The following FOXO3 variants were observed in gnomAD, a reference collection of about 807,000 sequenced individuals.
The protein encoded by FOXO3 is forkhead box protein O3.
FOXO3 carries 4 observed loss-of-function variants against 41.9 expected under a neutral mutation model. The observed-to-expected ratio is 0.10, with a 90% CI of 0.05 to 0.22. The LOEUF (loss-of-function observed/expected upper bound fraction) is 0.22. Among genes scored for constraint, FOXO3 ranks in the 10% least tolerant of loss-of-function variants. FOXO3 has a pLI of 1.00. For missense variants in FOXO3, 534 were observed against 906.8 expected, an observed-to-expected ratio of 0.59 and a Z score of 5.28; for synonymous variants, 318 against 389.3, an observed-to-expected ratio of 0.82 and a Z score of 2.16.
intron 1 of FOXO3, among the ~76,000 whole-genome samples, chr6:108,614,741 T>C (rs1421618179): frequency 2.0e-5 from 3 of 152,040 alleles, no homozygotes; most frequent in Non-Finnish European, 4.4e-5. Flanking sequence ...TTTTTGCGTT[T>C]TTTTCAAAGA....
At chr6:108,678,345 T>G (rs1770700731) in intron 2 of FOXO3, among the ~76,000 whole-genome samples, 4 of 152,232 alleles carry the variant, frequency 2.6e-5, no homozygotes, top group Non-Finnish European at 4.4e-5. Flanking sequence ...TTCATGTTGT[T>G]TCACTACCAC....
chr6:108,612,689 A>T (rs1777396581), intron 1 of FOXO3, among the ~76,000 whole-genome samples: 3 of 152,254 alleles, frequency 2.0e-5, no homozygotes, highest in African/African-American at 7.2e-5. Flanking sequence ...TCAAAAAAAA[A>T]ATAAAAAAAA....
At position 108,573,355 on chromosome 6, in the gene FOXO3, C is replaced by T. The variant is rs573071923; in HGVS notation, c.621+11526C>T. On this transcript the variant is annotated intron_variant, in intron 1 of 2. Coordinates refer to ENST00000406360, the MANE Select transcript of FOXO3 (RefSeq NM_001455.4). ...CCATTTAAAAAGTTTCTACTCTATG[C>T]TGCATTCTTTACCTCTATCCCCAGG... Among the ~76,000 whole-genome samples the T allele has an allele frequency of 2.0e-5, 3 of 152,242 alleles. No homozygotes were observed. In the East Asian group the frequency reaches 5.8e-4, roughly 29 times the overall value.
At chr6:108,671,954 T>C (rs889593661) in intron 2 of FOXO3, among the ~76,000 whole-genome samples, 4 of 152,242 alleles carry the variant, frequency 2.6e-5, no homozygotes, top group Admixed American at 2.6e-4. Context: ...AAGGATCGCC[T>C]GAGAAGTCCC....
intron 1 of FOXO3, among the ~76,000 whole-genome samples, chr6:108,582,591 T>C (rs2128360566): frequency 6.6e-6 from 1 of 152,310 alleles, no homozygotes; most frequent in East Asian, 1.9e-4. Context: ...TAGGTTTTTG[T>C]CATGGAGATA....
chr6:108,665,031 C>T, intron 2 of FOXO3, 142 bp downstream of exon 2: 1 of 939,370 alleles, frequency 1.1e-6, no homozygotes, highest in Non-Finnish European at 1.6e-6. Context: ...GGCTCCCAGC[C>T]AGTTCCATCT....
chr6:108,578,053 A>T (rs1056792522), intron 1 of FOXO3, among the ~76,000 whole-genome samples: 1 of 152,214 alleles, frequency 6.6e-6, no homozygotes, highest in Non-Finnish European at 1.5e-5. Flanking sequence ...GAGAGATATA[A>T]ACTTACTGTT....
chr6:108,648,970 G>A (rs965117629), intron 1 of FOXO3, among the ~76,000 whole-genome samples: 13 of 146,252 alleles, frequency 8.9e-5, no homozygotes, highest in Admixed American at 7.6e-4. Flanking sequence ...GCACTCCAGT[G>A]CGTTCCAGCC....
intron 1 of FOXO3, among the ~76,000 whole-genome samples, chr6:108,572,983 G>T (rs896471363): frequency 2.0e-5 from 3 of 152,016 alleles, no homozygotes; most frequent in Non-Finnish European, 4.4e-5. Flanking sequence ...TTTGGGTGGG[G>T]TACAAGAAAT....
At chr6:108,648,733 A>G (rs1245541809) in intron 1 of FOXO3, among the ~76,000 whole-genome samples, 1 of 152,118 alleles carries the variant, frequency 6.6e-6, no homozygotes, top group African/African-American at 2.4e-5. Flanking sequence ...AGTGGCTCAC[A>G]CCTGTAATCC....
intron 1 of FOXO3, chr6:108,617,990 G>T: frequency 1.7e-6 from 1 of 597,368 alleles, no homozygotes; most frequent in South Asian, 1.6e-5. Flanking sequence ...TGAAGAAGCA[G>T]GTTCCCTTCT....
intron 1 of FOXO3, 151 bp downstream of exon 1, chr6:108,561,980 G>C: frequency 9.5e-6 from 12 of 1,263,046 alleles, no homozygotes; most frequent in Non-Finnish European, 1.2e-5. Context: ...GGTTATCTTT[G>C]ATCCCCGGAG....
At chr6:108,599,494 C>T (rs1384434626) in intron 1 of FOXO3, among the ~76,000 whole-genome samples, 1 of 152,192 alleles carries the variant, frequency 6.6e-6, no homozygotes, top group Admixed American at 6.5e-5. Context: ...TGACCCCTCA[C>T]TTAGTATGTG....
At chr6:108,563,446 A>G (rs1393122172) in intron 1 of FOXO3, among the ~76,000 whole-genome samples, 1 of 152,266 alleles carries the variant, frequency 6.6e-6, no homozygotes, top group African/African-American at 2.4e-5. Flanking sequence ...TCCATTTGAA[A>G]AGAGCACTAG....
intron 1 of FOXO3, among the ~76,000 whole-genome samples, chr6:108,592,027 G>A (rs1776744772): frequency 6.6e-6 from 1 of 152,158 alleles, no homozygotes; most frequent in Admixed American, 6.5e-5. Context: ...GAACAGGAGA[G>A]TAACTATTGT....
chr6:108,645,813 T>G (rs546604202), intron 1 of FOXO3, among the ~76,000 whole-genome samples: 109 of 152,348 alleles, frequency 7.2e-4, no homozygotes, highest in African/African-American at 2.1e-3. Context: ...TTACCATTAT[T>G]AATGCTTGGA....
intron 1 of FOXO3, among the ~76,000 whole-genome samples, chr6:108,563,162 T>A (rs893407543): frequency 1.4e-4 from 22 of 152,210 alleles, no homozygotes; most frequent in African/African-American, 5.3e-4. Flanking sequence ...AGCCTGTAGA[T>A]GAAAAAGTTA....
intron 1 of FOXO3, 101 bp downstream of exon 1, chr6:108,561,930 A>G (rs9374037): frequency 1.4e-5 from 20 of 1,443,146 alleles, no homozygotes; most frequent in Middle Eastern, 2.5e-4. Context: ...GCTCCAGGGC[A>G]AGGGGTTGGC....
chr6:108,625,069 A>G (rs908619134), intron 1 of FOXO3, among the ~76,000 whole-genome samples: 1 of 152,246 alleles, frequency 6.6e-6, no homozygotes, highest in Non-Finnish European at 1.5e-5. Context: ...GGTGCAAGCC[A>G]CTGCACCTGG....
Sources: gnomAD v4.1 joint callset for allele counts (sites outside exome capture counted in the v4.1 genomes callset) on GRCh38, gnomAD v4.1.1 for gene constraint, MANE v1.5 for transcripts, NCBI Gene and HGNC (gene_info 2026-07-23, HGNC 2026-07-21) for gene names.